The following LRFN2 variants were observed in gnomAD, a reference collection of about 807,000 sequenced individuals.
LRFN2 encodes leucine-rich repeat and fibronectin type-III domain-containing protein 2.
LRFN2 carries 18 observed loss-of-function variants against 37.3 expected under a neutral mutation model. The observed-to-expected ratio is 0.48, with a 90% confidence interval of 0.33 to 0.72. The LOEUF is 0.72. LRFN2 is among the 30% of genes least tolerant of loss of function. The pLI is 0.02. For synonymous variants in LRFN2, 556 were observed against 466.6 expected (o/e 1.19, Z -2.47); for missense variants, 1,006 against 1,060.7 (o/e 0.95, Z 0.72).
At chr6:40,568,684 T>TTTCCTCCCTTCCTTCC (rs1554145344) in intron 1 of LRFN2, among the ~76,000 whole-genome samples, 1 of 131,936 alleles carries the variant, frequency 7.6e-6, no homozygotes, top group African/African-American at 3.0e-5. Flanking sequence ...GTCTCCCCCA[T>TTTCCTCCCTTCCTTCC]TTCCTTCCTT....
intron 1 of LRFN2, among the ~76,000 whole-genome samples, chr6:40,492,908 T>C (rs1184231784): frequency 6.6e-6 from 1 of 152,080 alleles, no homozygotes; most frequent in Non-Finnish European, 1.5e-5. Context: ...ATTCTAGCAG[T>C]AGTGTGGTTG....
At chr6:40,511,832 T>G (rs1374705971) in intron 1 of LRFN2, among the ~76,000 whole-genome samples, 1 of 152,178 alleles carries the variant, frequency 6.6e-6, no homozygotes, top group Non-Finnish European at 1.5e-5. Context: ...TTCTTTCCAG[T>G]CAGAGGCTGA....
At chr6:40,459,488 C>T (rs1185495668) in intron 1 of LRFN2, among the ~76,000 whole-genome samples, 4 of 152,162 alleles carry the variant, frequency 2.6e-5, no homozygotes, top group Non-Finnish European at 5.9e-5. Flanking sequence ...CAAGTATAGA[C>T]AAAACATGTG....
chr6:40,421,721 G>C (rs556759443), intron 2 of LRFN2, among the ~76,000 whole-genome samples: 2 of 152,246 alleles, frequency 1.3e-5, no homozygotes, highest in South Asian at 4.1e-4. Context: ...TCATGGCCAA[G>C]TTTTTTCAGG....
intron 1 of LRFN2, among the ~76,000 whole-genome samples, chr6:40,526,617 G>A (rs922697931): frequency 2.0e-5 from 3 of 152,162 alleles, no homozygotes; most frequent in Non-Finnish European, 4.4e-5. Flanking sequence ...GTGAGGGCTA[G>A]GCCAGCTCTT....
intron 1 of LRFN2, among the ~76,000 whole-genome samples, chr6:40,488,270 T>A (rs567436728): frequency 6.6e-6 from 1 of 152,134 alleles, no homozygotes; most frequent in South Asian, 2.1e-4. Context: ...AGGAAGGGGT[T>A]CCAAGGAGCC....
chr6:40,514,605 A>G lies in LRFN2; in HGVS notation c.-19+72336T>C, dbSNP rs1202971293. ...GCTGAGATTACAGGTGTGAGCCACC[A>G]CACCCAGCCATATGTTACATGTGAC... On this transcript the variant is annotated intron_variant, in intron 1 of 2. Transcript: ENST00000338305. Among the ~76,000 whole-genome samples the G allele has an allele frequency of 3.3e-5, 5 of 152,294 alleles. No homozygotes were observed. The East Asian group carries it at 9.7e-4, about 29-fold the overall frequency.
intron 1 of LRFN2, among the ~76,000 whole-genome samples, chr6:40,585,634 C>A (rs1767486354): frequency 6.6e-6 from 1 of 152,162 alleles, no homozygotes; most frequent in Non-Finnish European, 1.5e-5. Flanking sequence ...TCGGCCCCCA[C>A]ACAAGAATAA....
At chr6:40,508,320 T>C (rs1765600272) in intron 1 of LRFN2, among the ~76,000 whole-genome samples, 1 of 152,228 alleles carries the variant, frequency 6.6e-6, no homozygotes, top group African/African-American at 2.4e-5. Context: ...CTCTGGTCTC[T>C]CTCTGCTCAT....
Position 40,522,421 on chromosome 6 carries a change from C to T in LRFN2, c.-19+64520G>A, listed in dbSNP as rs1338469472. On this transcript the variant is annotated intron_variant, in intron 1 of 2. Transcript: ENST00000338305. ...GCCCACTACCCAAGGCACAGGCTTG[C>T]CCCAATCTCAAGGGAAGCTGGAGGG... 3.3e-5 allele frequency among the ~76,000 whole-genome samples: 5 copies of T among 152,170 alleles called. No individual in the cohort carries two copies. The South Asian group carries it at 6.2e-4, about 19-fold the overall frequency.
At chr6:40,559,520 T>TG (rs1649791530) in intron 1 of LRFN2, among the ~76,000 whole-genome samples, 1 of 152,014 alleles carries the variant, frequency 6.6e-6, no homozygotes, top group Non-Finnish European at 1.5e-5. Flanking sequence ...GAGCCTGGCC[T>TG]GGGGCCCACT....
At chr6:40,581,081 G>A (rs912225515) in intron 1 of LRFN2, among the ~76,000 whole-genome samples, 13 of 152,064 alleles carry the variant, frequency 8.5e-5, no homozygotes, top group South Asian at 6.2e-4. Context: ...TCATTCAGAC[G>A]GCAGCCCTGG....
intron 1 of LRFN2, among the ~76,000 whole-genome samples, chr6:40,580,180 C>G (rs1767371531): frequency 6.6e-6 from 1 of 152,180 alleles, no homozygotes; most frequent in Non-Finnish European, 1.5e-5. Flanking sequence ...CCACCCTTCT[C>G]CCACACCCTA....
chr6:40,559,246 C>T (rs73732756), intron 1 of LRFN2, among the ~76,000 whole-genome samples: 13 of 152,146 alleles, frequency 8.5e-5, no homozygotes, highest in East Asian at 1.9e-4. Context: ...GGGAAGAGCC[C>T]GGCAGTGAGC....
intron 1 of LRFN2, among the ~76,000 whole-genome samples, chr6:40,479,867 G>A (rs948629909): frequency 6.6e-6 from 1 of 152,230 alleles, no homozygotes. Context: ...CCAGCCCTAA[G>A]AATCTGTGCT....
chr6:40,582,892 G>A (rs1211961871), intron 1 of LRFN2, among the ~76,000 whole-genome samples: 5 of 151,998 alleles, frequency 3.3e-5, no homozygotes, highest in East Asian at 1.9e-4. Flanking sequence ...ACACTGTCCC[G>A]ACCTCCCATC....
At chr6:40,533,344 T>C (rs925228037) in intron 1 of LRFN2, among the ~76,000 whole-genome samples, 1 of 151,318 alleles carries the variant, frequency 6.6e-6, no homozygotes, top group African/African-American at 2.4e-5. Context: ...ATGAGTGGGA[T>C]GTTTTCTACT....
At chr6:40,446,997 G>A (rs548194590) in intron 1 of LRFN2, among the ~76,000 whole-genome samples, 181 of 150,672 alleles carry the variant, frequency 1.2e-3, no homozygotes, top group African/African-American at 4.2e-3. Flanking sequence ...CCTCAGACTG[G>A]AGCTCCCTGG....
intron 2 of LRFN2, among the ~76,000 whole-genome samples, chr6:40,402,879 G>C (rs1762769803): frequency 6.6e-6 from 1 of 152,180 alleles, no homozygotes; most frequent in South Asian, 2.1e-4. Context: ...GCATGCTCCT[G>C]GGAATTCTGA....
Sources: allele counts gnomAD v4.1 joint callset (sites outside exome capture counted in the v4.1 genomes callset), GRCh38; gene constraint gnomAD v4.1.1; transcripts MANE v1.5; gene names NCBI Gene and HGNC (gene_info 2026-07-23, HGNC 2026-07-21).